Variants in FHOD3 observed in about 807,000 individuals in gnomAD.
FHOD3 encodes the protein formin homology 2 domain containing 3, also known as FH1/FH2 domain-containing protein 3.
Under a neutral mutation model 173.0 loss-of-function variants are expected in FHOD3, and 90 were observed. That is an observed-to-expected ratio of 0.52 (90% CI 0.44 to 0.62). The LOEUF is 0.62. Among genes scored for constraint, FHOD3 ranks in the 20% least tolerant of loss-of-function variants. The probability of loss-of-function intolerance (pLI) is 0.00; values close to 1 mark genes in which losing one functional copy is unlikely to be tolerated. For missense variants in FHOD3, 1,945 were observed against 2,034.7 expected (o/e 0.96, Z 0.85); for synonymous variants, 828 against 823.0 (o/e 1.01, Z -0.10).
chr18:36,365,338 A>G (rs2046847064), intron 2 of FHOD3, among the ~76,000 whole-genome samples: 1 of 152,226 alleles, frequency 6.6e-6, no homozygotes, highest in Non-Finnish European at 1.5e-5. Context: ...CAAGCCACAG[A>G]ATGGGAGAAA....
chr18:36,646,233 TTATTTC>T (rs1232369371), intron 10 of FHOD3, among the ~76,000 whole-genome samples: 6 of 150,872 alleles, frequency 4.0e-5, no homozygotes, highest in Admixed American at 1.3e-4. Context: ...TACAAAAAGT[TTATTTC>T]TATATACTAT....
chr18:36,297,878 G>T lies in FHOD3; in HGVS notation c.43G>T (p.Asp15Tyr), dbSNP rs1209696746. 1 of 1,554,296 alleles carries T rather than the reference G, an allele frequency of 6.4e-7. No individual in the cohort carries two copies. Among genetic ancestry groups the T allele is most frequent in the African/African-American group, 1.4e-5 (1 of 71,894 alleles). Residue 15 changes from aspartate (D) to tyrosine (Y), a missense_variant, in exon 1 of 29, where the codon GAC (aspartate) becomes TAC (tyrosine). By Grantham distance (160) the Asp-to-Tyr change is radical (BLOSUM62 -3). This residue lies in a region of FHOD3 where 245 missense variants were observed against 267.7 expected (regional missense o/e 0.92). Transcript: ENST00000590592. ...ACRVQFLDDT[D>Y]PFNSTNFPEP... ...CCGGGTGCAGTTCTTGGACGACACG[G>T]ACCCTTTCAACAGCACCAACTTCCC... is the stretch of plus-strand genomic sequence containing the variant.
chr18:36,614,146 AT>A (rs1300140946), intron 9 of FHOD3, among the ~76,000 whole-genome samples: 5 of 152,158 alleles, frequency 3.3e-5, no homozygotes, highest in Non-Finnish European at 7.4e-5. Context: ...CCCCACACCC[AT>A]TAGCAGACAC....
At chr18:36,545,985 AC>A (rs1343686657) in intron 5 of FHOD3, among the ~76,000 whole-genome samples, 1 of 152,260 alleles carries the variant, frequency 6.6e-6, no homozygotes, top group Non-Finnish European at 1.5e-5. Flanking sequence ...AGAACCCTCC[AC>A]ATGTAATGTA....
At chr18:36,358,167 C>A (rs1229717037) in intron 2 of FHOD3, among the ~76,000 whole-genome samples, 1 of 152,180 alleles carries the variant, frequency 6.6e-6, no homozygotes, top group African/African-American at 2.4e-5. Context: ...GTGACCAATT[C>A]CCAAGACTGT....
chr18:36,662,495 T>C (rs563171939), intron 14 of FHOD3, among the ~76,000 whole-genome samples: 1 of 152,338 alleles, frequency 6.6e-6, no homozygotes, highest in East Asian at 1.9e-4. Context: ...AATAATGCCA[T>C]TGTTTACTAT....
chr18:36,660,179 G>A (rs915823139), intron 14 of FHOD3, among the ~76,000 whole-genome samples: 2 of 152,294 alleles, frequency 1.3e-5, no homozygotes, highest in South Asian at 2.1e-4. Context: ...TGAGGCAGGA[G>A]AATCACTTGA....
At chr18:36,623,036 T>A (rs1439732886) in intron 9 of FHOD3, among the ~76,000 whole-genome samples, 2 of 152,264 alleles carry the variant, frequency 1.3e-5, no homozygotes, top group Non-Finnish European at 2.9e-5. Flanking sequence ...CTTCTTGTTT[T>A]AAGTAGCTTG....
chr18:36,531,641 C>T (rs558996071), intron 5 of FHOD3, among the ~76,000 whole-genome samples: 134 of 152,330 alleles, frequency 8.8e-4, no homozygotes, highest in African/African-American at 2.8e-3. Flanking sequence ...CTGTTTGATA[C>T]GAACAAACAT....
rs1426584492 is a variant in FHOD3 at position 36,314,802 on chromosome 18, G to T, written c.165+16802G>T. Among the ~76,000 whole-genome samples the T allele has an allele frequency of 5.3e-5, 8 of 152,098 alleles. No individual in the cohort carries two copies. In the East Asian group the frequency reaches 1.5e-3, roughly 29 times the overall value. ...GTTTCTATTCTGCCTCCTTGTCTAG[G>T]GATCCTGACTTTCCTTAGAATATTA... On this transcript the variant is annotated intron_variant, in intron 1 of 28. Transcript: ENST00000590592.
intron 17 of FHOD3, among the ~76,000 whole-genome samples, chr18:36,706,418 C>T (rs1266818021): frequency 1.3e-5 from 2 of 152,188 alleles, no homozygotes; most frequent in African/African-American, 4.8e-5. Context: ...GATACCACCC[C>T]AGTGGTTGAA....
chr18:36,556,732 A>G (rs1162656757), intron 5 of FHOD3, among the ~76,000 whole-genome samples: 12 of 152,062 alleles, frequency 7.9e-5, no homozygotes, highest in Admixed American at 7.2e-4. Context: ...AGGGGAAAAA[A>G]CGTGTATTTA....
chr18:36,416,870 G>T (rs1159626225), intron 3 of FHOD3, among the ~76,000 whole-genome samples: 1 of 152,044 alleles, frequency 6.6e-6, no homozygotes, highest in African/African-American at 2.4e-5. Flanking sequence ...CCTCCTGCCA[G>T]CCCAGTCTCC....
chr18:36,672,405 A>C (rs2037589063), intron 14 of FHOD3, among the ~76,000 whole-genome samples: 2 of 152,150 alleles, frequency 1.3e-5, no homozygotes, highest in South Asian at 4.1e-4. Flanking sequence ...TTGTGTTTGC[A>C]GTCAGCCGGT....
chr18:36,405,352 A>G (rs543020627), intron 3 of FHOD3, among the ~76,000 whole-genome samples: 61 of 152,350 alleles, frequency 4.0e-4, no homozygotes, highest in Non-Finnish European at 7.6e-4. Flanking sequence ...TAACATTTAC[A>G]ATTGCAGAAG....
intron 1 of FHOD3, among the ~76,000 whole-genome samples, chr18:36,320,488 A>G (rs1200609145): frequency 2.6e-5 from 4 of 152,256 alleles, no homozygotes; most frequent in Non-Finnish European, 5.9e-5. Flanking sequence ...TGAGGCAATA[A>G]TTAATAGCCT....
chr18:36,573,164 T>TTA (rs397743424), intron 5 of FHOD3, among the ~76,000 whole-genome samples: 8 of 151,352 alleles, frequency 5.3e-5, no homozygotes, highest in African/African-American at 1.7e-4. Flanking sequence ...TTTTTTTTTT[T>TTA]AACATATTTT....
chr18:36,664,639 CAT>C (rs373930055), intron 14 of FHOD3, among the ~76,000 whole-genome samples: 2 of 152,100 alleles, frequency 1.3e-5, no homozygotes, highest in Admixed American at 6.6e-5. Context: ...TTCTCCCACA[CAT>C]GTTTTAGATC....
intron 18 of FHOD3, among the ~76,000 whole-genome samples, chr18:36,716,611 C>A (rs139521806): frequency 6.6e-6 from 1 of 152,150 alleles, no homozygotes; most frequent in Non-Finnish European, 1.5e-5. Flanking sequence ...GAGGAAGCAG[C>A]AACGGAGACT....
Sources: allele counts gnomAD v4.1 joint callset (sites outside exome capture counted in the v4.1 genomes callset), GRCh38; gene constraint gnomAD v4.1.1; regional missense constraint gnomAD v4.1.1; transcripts MANE v1.5; gene names NCBI Gene and HGNC (gene_info 2026-07-23, HGNC 2026-07-21).